C7: variants seen among roughly 807,000 people sequenced by gnomAD.
The protein encoded by C7 is complement C7.
C7 carries 83 observed loss-of-function variants against 104.8 expected under a neutral mutation model. That is an observed-to-expected ratio of 0.79 (90% CI 0.66 to 0.95). The LOEUF is 0.95. Among genes scored for constraint, C7 ranks in the 40% least tolerant of loss-of-function variants. The pLI is 0.00. For missense variants in C7, 1,070 were observed against 1,011.2 expected (o/e 1.06, Z -0.79); for synonymous variants, 415 against 360.6 (o/e 1.15, Z -1.71).
At chr5:40,949,859 G>A (rs372210178) in intron 8 of C7, 45 bp from the exon 9 acceptor site, 23 of 1,189,286 alleles carry the variant, frequency 1.9e-5, no homozygotes, top group Middle Eastern at 2.3e-4. Context: ...AGATCTTCAA[G>A]GAATGCAGAA....
In C7 at chr5:40,976,111, G is replaced by T. The variant is rs115445105; in HGVS notation, c.2075-639G>T. 4.2e-3 allele frequency among the ~76,000 whole-genome samples: 634 copies of T among 152,276 alleles called. 3 individuals are homozygous for T. The highest frequency in any genetic ancestry group is 0.015 in the African/African-American group (607 of 41,542). On this transcript the variant is annotated intron_variant, in intron 15 of 17. Transcript: ENST00000313164. ...TCTATAAAACACAAAGTTATAGAAA[G>T]AATTTTATTAACGTAATGACCTCCA...
intron 1 of C7, among the ~76,000 whole-genome samples, chr5:40,921,134 A>G (rs1739430163): frequency 6.6e-6 from 1 of 152,180 alleles, no homozygotes; most frequent in African/African-American, 2.4e-5. Flanking sequence ...TACCAAATTA[A>G]CATGCAAAAA....
chr5:40,945,871 A>ATACAT (rs1740034899), intron 7 of C7, among the ~76,000 whole-genome samples: 2 of 85,952 alleles, frequency 2.3e-5, no homozygotes, highest in African/African-American at 8.6e-5. Flanking sequence ...CTCAAAAAAA[A>ATACAT]ATACATATAT....
chr5:40,943,297 G>A (rs1269404692), intron 6 of C7, among the ~76,000 whole-genome samples: 1 of 152,192 alleles, frequency 6.6e-6, no homozygotes, highest in African/African-American at 2.4e-5. Context: ...ATAAAAATGA[G>A]AGTTAAAAGA....
At chr5:40,934,610 G>T in intron 4 of C7, 144 bp downstream of exon 4, 3 of 815,832 alleles carry the variant, frequency 3.7e-6, no homozygotes, top group South Asian at 3.8e-5. Context: ...GATTTTTGTT[G>T]GTATGTTAAT....
intron 14 of C7, among the ~76,000 whole-genome samples, chr5:40,971,213 G>A (rs1740691684): frequency 6.6e-6 from 1 of 152,164 alleles, no homozygotes; most frequent in African/African-American, 2.4e-5. Context: ...TAGTGTAAAA[G>A]CGTTCCTATT....
chr5:40,972,316 C>T (rs1740714920), intron 14 of C7, 87 bp from the exon 15 acceptor site: 1 of 1,061,522 alleles, frequency 9.4e-7, no homozygotes, highest in Admixed American at 2.0e-5. Flanking sequence ...AAAAGCAGAA[C>T]AAGTGTGTCT....
intron 2 of C7, 119 bp downstream of exon 2, chr5:40,928,754 T>C (rs1429013053): frequency 3.7e-6 from 2 of 540,130 alleles, no homozygotes; most frequent in Non-Finnish European, 6.5e-6. Flanking sequence ...ATATTTTCTC[T>C]TTCCATATTT....
intron 10 of C7, among the ~76,000 whole-genome samples, chr5:40,957,444 T>C (rs1365376658): frequency 6.6e-6 from 1 of 152,056 alleles, no homozygotes; most frequent in Non-Finnish European, 1.5e-5. Flanking sequence ...AAAATGAATG[T>C]CCTATTTTAT....
In C7 at chr5:40,958,146, G is replaced by A. The variant is rs571005172; in HGVS notation, c.1374G>A (p.Arg458=). Residue 458 remains arginine, a synonymous_variant, in exon 11 of 18, where the codon CGG becomes CGA. Coordinates refer to ENST00000313164, the MANE Select transcript of C7 (RefSeq NM_000587.4). ...YLDEFDPCHC[R]PCQNGGLATV... is the part of the protein sequence containing the mutation. ...ATGAATTTGACCCCTGTCATTGCCG[G>A]CCTTGTCAAAATGGTGGTTTGGCTA... The A allele has an allele frequency of 3.1e-6, 5 of 1,613,846 alleles. No individual in the cohort carries two copies. The East Asian group carries it at 6.7e-5, about 22-fold the overall frequency.
intron 1 of C7, among the ~76,000 whole-genome samples, chr5:40,926,450 TA>T (rs1028985006): frequency 6.6e-6 from 1 of 152,116 alleles, no homozygotes; most frequent in Non-Finnish European, 1.5e-5. Flanking sequence ...TGAAAGGCAT[TA>T]AAATAGAAAG....
intron 9 of C7, among the ~76,000 whole-genome samples, chr5:40,951,052 G>A (rs1024309585): frequency 1.3e-5 from 2 of 152,146 alleles, no homozygotes; most frequent in African/African-American, 4.8e-5. Context: ...AATGGAGAAG[G>A]AAACATTTGG....
intron 13 of C7, chr5:40,964,445 A>C: frequency 5.1e-6 from 1 of 197,352 alleles, no homozygotes; most frequent in Non-Finnish European, 1.0e-5. Context: ...TTATTTGGAC[A>C]GTGTCCAAAT....
intron 9 of C7, among the ~76,000 whole-genome samples, chr5:40,952,699 G>T (rs755038570): frequency 6.6e-6 from 1 of 151,496 alleles, no homozygotes; most frequent in African/African-American, 2.4e-5. Context: ...CTGTGTCCAA[G>T]TGTTCTCATT....
intron 1 of C7, among the ~76,000 whole-genome samples, chr5:40,914,734 T>C (rs1286630434): frequency 6.6e-6 from 1 of 152,172 alleles, no homozygotes; most frequent in Non-Finnish European, 1.5e-5. Context: ...ATCTGTTTGG[T>C]AACCCTTGGG....
intron 1 of C7, among the ~76,000 whole-genome samples, chr5:40,909,992 TGCTTG>T (rs1739173892): frequency 1.3e-5 from 2 of 148,898 alleles, no homozygotes; most frequent in African/African-American, 4.9e-5. Context: ...TTTTTTTTTT[TGCTTG>T]TTTGGATTAG....
At chr5:40,923,975 C>A (rs750650855) in intron 1 of C7, among the ~76,000 whole-genome samples, 12 of 152,206 alleles carry the variant, frequency 7.9e-5, no homozygotes, top group Non-Finnish European at 7.4e-5. Context: ...CCCCCTGAAT[C>A]TCATGGTCTT....
At chr5:40,931,846 C>G (rs977042106) in intron 3 of C7, among the ~76,000 whole-genome samples, 3 of 152,186 alleles carry the variant, frequency 2.0e-5, no homozygotes, top group African/African-American at 7.2e-5. Context: ...GTAATCTCCG[C>G]CTCCCGGGTT....
At chr5:40,927,923 G>A (rs1270054316) in intron 1 of C7, among the ~76,000 whole-genome samples, 4 of 152,082 alleles carry the variant, frequency 2.6e-5, no homozygotes, top group Non-Finnish European at 5.9e-5. Context: ...ATTATCATAT[G>A]ATCTAGCAAT....
Sources: allele counts gnomAD v4.1 joint callset (sites outside exome capture counted in the v4.1 genomes callset), GRCh38; gene constraint gnomAD v4.1.1; transcripts MANE v1.5; gene names NCBI Gene and HGNC (gene_info 2026-07-23, HGNC 2026-07-21).